SLC27A6: variants seen among roughly 807,000 people sequenced by gnomAD.
SLC27A6 encodes solute carrier family 27 member 6, also known as long-chain fatty acid transport protein 6.
Under a neutral mutation model 63.9 loss-of-function variants are expected in SLC27A6, and 74 were observed. That is an observed-to-expected ratio of 1.16 (90% confidence interval 0.96 to 1.40). The LOEUF (loss-of-function observed/expected upper bound fraction) is 1.40. SLC27A6 is among the 40% of genes most tolerant of loss of function. The probability of loss-of-function intolerance (pLI) is 0.00; values close to 1 mark genes in which losing one functional copy is unlikely to be tolerated. For synonymous variants in SLC27A6, 287 were observed against 260.8 expected (o/e 1.10, Z -0.97); for missense variants, 794 against 732.9 (o/e 1.08, Z -0.96).
intron 4 of SLC27A6, among the ~76,000 whole-genome samples, chr5:129,005,305 A>G (rs1751482663): frequency 6.6e-6 from 1 of 152,242 alleles, no homozygotes; most frequent in Non-Finnish European, 1.5e-5. Context: ...TTTCCTGAGA[A>G]GGAAACATAA....
At chr5:128,978,258 C>T (rs1364093848) in intron 1 of SLC27A6, among the ~76,000 whole-genome samples, 4 of 152,018 alleles carry the variant, frequency 2.6e-5, no homozygotes, top group Non-Finnish European at 1.5e-5. Context: ...TTTTCAGTTA[C>T]ATCAAAGTGG....
At chr5:128,992,839 C>T (rs1751028713) in intron 4 of SLC27A6, among the ~76,000 whole-genome samples, 1 of 152,178 alleles carries the variant, frequency 6.6e-6, no homozygotes, top group Non-Finnish European at 1.5e-5. Context: ...ACAGTAGGTG[C>T]TACCTAGTGA....
At chr5:129,023,771 A>G in intron 6 of SLC27A6, 61 bp downstream of exon 6, 1 of 1,161,902 alleles carries the variant, frequency 8.6e-7, no homozygotes. Context: ...GTATACAGAC[A>G]TCCCTTGGTA....
At chr5:129,023,559 G>C (rs1020402480) in intron 5 of SLC27A6, 61 bp from the exon 6 acceptor site, 14 of 1,205,258 alleles carry the variant, frequency 1.2e-5, no homozygotes, top group Non-Finnish European at 1.6e-5. Context: ...GCTTGTACAA[G>C]TAACTAAATG....
Position 129,007,270 on chromosome 5 carries a change from C to A in SLC27A6, c.970-8615C>A, listed in dbSNP as rs551296022. Among the ~76,000 whole-genome samples, 7 of 151,330 alleles carry A rather than the reference C, an allele frequency of 4.6e-5. No homozygotes were observed. In the East Asian group the frequency reaches 1.2e-3, roughly 25 times the overall value. On this transcript the variant is annotated intron_variant, in intron 4 of 9. Coordinates refer to ENST00000262462, the MANE Select transcript of SLC27A6 (RefSeq NM_001017372.3). ...ACCAGCCTGGCCAAGATGGTGAAAC[C>A]CCATCTCTACTAAAAATACAAAAAT...
intron 4 of SLC27A6, among the ~76,000 whole-genome samples, chr5:129,000,725 G>GA (rs1212928938): frequency 1.3e-5 from 2 of 152,106 alleles, no homozygotes; most frequent in African/African-American, 4.8e-5. Context: ...GAGTTTCTAG[G>GA]AAAAATCAAC....
At chr5:128,986,537 T>C (rs1173673802) in intron 2 of SLC27A6, among the ~76,000 whole-genome samples, 1 of 152,186 alleles carries the variant, frequency 6.6e-6, no homozygotes, top group African/African-American at 2.4e-5. Flanking sequence ...ATCTATTCAG[T>C]TCCTAATTGT....
intron 3 of SLC27A6, among the ~76,000 whole-genome samples, chr5:128,989,895 G>C (rs1750917061): frequency 6.8e-6 from 1 of 146,636 alleles, no homozygotes; most frequent in South Asian, 2.2e-4. Flanking sequence ...CTGCACTCCA[G>C]CCTGGATGAC....
At chr5:129,028,080 G>C (rs1752301665) in intron 7 of SLC27A6, among the ~76,000 whole-genome samples, 5 of 151,960 alleles carry the variant, frequency 3.3e-5, no homozygotes. Flanking sequence ...AATCCTTGTA[G>C]TTATTTTATT....
chr5:128,992,763 G>T (rs1561619114), intron 4 of SLC27A6, among the ~76,000 whole-genome samples: 1 of 152,048 alleles, frequency 6.6e-6, no homozygotes, highest in African/African-American at 2.4e-5. Context: ...TTAATTTAGG[G>T]AATTAATGCC....
intron 1 of SLC27A6, among the ~76,000 whole-genome samples, chr5:128,984,741 C>T (rs533330991): frequency 6.6e-6 from 1 of 152,282 alleles, no homozygotes; most frequent in African/African-American, 2.4e-5. Context: ...TGAAGAGTAA[C>T]CTGCAGACAG....
chr5:128,985,885 G>T (rs1439328481), intron 2 of SLC27A6, among the ~76,000 whole-genome samples: 1 of 152,180 alleles, frequency 6.6e-6, no homozygotes. Context: ...TTTGGTCAGG[G>T]TAATTGAATC....
Position 128,984,991 on chromosome 5 carries a change from T to G in SLC27A6, c.482-142T>G, listed in dbSNP as rs1580711171. The G allele has an allele frequency of 3.4e-5, 22 of 640,932 alleles. 1 individual carries two copies. In the South Asian group the frequency reaches 4.0e-4, roughly 12 times the overall value. The allele number at this position is 640,932 out of a possible 1,614,324, so 39.7% of individuals were successfully genotyped here. The stretch of plus-strand genomic sequence containing the variant: ...TGTTGAAACGGAACCATAAAATGAC[T>G]GTGATATTACTTATCCAACATAAGA... On this transcript the variant is annotated intron_variant, in intron 1 of 9. Coordinates refer to ENST00000262462, the MANE Select transcript of SLC27A6 (RefSeq NM_001017372.3).
At chr5:129,023,503 C>T in intron 5 of SLC27A6, 117 bp from the exon 6 acceptor site, 9 of 581,040 alleles carry the variant, frequency 1.5e-5, no homozygotes, top group East Asian at 3.0e-5. Flanking sequence ...CTCCATATTC[C>T]AATTATTTAT....
chr5:128,982,166 GCATGACTCTTCTTTATCCCCTA>G (rs1345186425), intron 1 of SLC27A6, among the ~76,000 whole-genome samples: 4 of 151,914 alleles, frequency 2.6e-5, no homozygotes. Flanking sequence ...TTTATCCCCT[GCATGACTCTTCTTTATCCCCTA>G]CATGACTCTT....
At chr5:128,981,566 A>C (rs984070602) in intron 1 of SLC27A6, among the ~76,000 whole-genome samples, 1 of 149,678 alleles carries the variant, frequency 6.7e-6, no homozygotes, top group East Asian at 2.7e-4. Context: ...AGTTTCTGTA[A>C]CCAGTTATCT....
At chr5:129,021,951 C>T (rs1752088418) in intron 5 of SLC27A6, among the ~76,000 whole-genome samples, 2 of 152,246 alleles carry the variant, frequency 1.3e-5, no homozygotes, top group Admixed American at 1.3e-4. Flanking sequence ...AAGCTGACAT[C>T]ACAAGTCACT....
At chr5:128,979,119 CATT>C (rs1209855375) in intron 1 of SLC27A6, among the ~76,000 whole-genome samples, 1 of 140,960 alleles carries the variant, frequency 7.1e-6, no homozygotes, top group Non-Finnish European at 1.6e-5. Flanking sequence ...TGGATGCAAT[CATT>C]ATTTTTAACT....
At chr5:128,994,680 A>G (rs898972588) in intron 4 of SLC27A6, among the ~76,000 whole-genome samples, 3 of 152,162 alleles carry the variant, frequency 2.0e-5, no homozygotes, top group Admixed American at 2.0e-4. Flanking sequence ...AGAAAGCAAA[A>G]CCATGTGGTT....
Sources: gnomAD v4.1 joint callset for allele counts (sites outside exome capture counted in the v4.1 genomes callset) on GRCh38, gnomAD v4.1.1 for gene constraint, MANE v1.5 for transcripts, NCBI Gene and HGNC (gene_info 2026-07-23, HGNC 2026-07-21) for gene names.